Variants in ITPKB observed in about 807,000 individuals in gnomAD.
ITPKB encodes the protein inositol-trisphosphate 3-kinase B.
ITPKB carries 13 observed loss-of-function variants against 69.4 expected under a neutral mutation model. The ratio of observed to expected loss-of-function variants is 0.19; its 90% CI spans 0.12 to 0.30. The LOEUF (loss-of-function observed/expected upper bound fraction) is 0.30. ITPKB is among the 10% of genes least tolerant of loss of function. The pLI is 1.00. For synonymous variants in ITPKB, 584 were observed against 513.7 expected (o/e 1.14, Z -1.85); for missense variants, 1,240 against 1,250.5 (o/e 0.99, Z 0.13).
At chr1:226,660,790 G>A (rs1337694950) in intron 2 of ITPKB, among the ~76,000 whole-genome samples, 2 of 152,200 alleles carry the variant, frequency 1.3e-5, no homozygotes, top group Non-Finnish European at 2.9e-5. Context: ...CGAGGCGGAT[G>A]GGCAGCCTTT....
chr1:226,667,914 C>A (rs1426925290), intron 2 of ITPKB, among the ~76,000 whole-genome samples: 1 of 151,374 alleles, frequency 6.6e-6, no homozygotes, highest in Admixed American at 6.6e-5. Flanking sequence ...TAAGCAAAAG[C>A]CTAGAAGCAA....
chr1:226,671,375 C>T (rs1669614479), intron 2 of ITPKB, among the ~76,000 whole-genome samples: 1 of 152,240 alleles, frequency 6.6e-6, no homozygotes, highest in African/African-American at 2.4e-5. Context: ...CTTTGTACTC[C>T]TTGCTACAAA....
chr1:226,704,384 C>T (rs1316660519), intron 2 of ITPKB, among the ~76,000 whole-genome samples: 7 of 152,214 alleles, frequency 4.6e-5, no homozygotes, highest in Admixed American at 3.9e-4. Flanking sequence ...CACATTGCAA[C>T]AGGTTATCAT....
chr1:226,660,869 G>T (rs757221745), intron 2 of ITPKB, among the ~76,000 whole-genome samples: 3 of 152,230 alleles, frequency 2.0e-5, no homozygotes, highest in East Asian at 3.9e-4. Flanking sequence ...GGGAAAGGGC[G>T]CCTGGGCTCT....
At chr1:226,640,471 G>A (rs970086206) in intron 5 of ITPKB, among the ~76,000 whole-genome samples, 3 of 152,162 alleles carry the variant, frequency 2.0e-5, no homozygotes, top group Non-Finnish European at 2.9e-5. Context: ...AGGAGGGGCC[G>A]AGAGCCGGGG....
Position 226,736,540 on chromosome 1 carries a change from C to T in ITPKB, c.919G>A (p.Ala307Thr), listed in dbSNP as rs12097311. The change falls in exon 2 of 8, where the codon GCA (alanine) becomes ACA (threonine). Residue 307 changes from alanine to threonine, a missense_variant. Physicochemically the swap from Ala to Thr is moderately conservative, Grantham distance 58. Coordinates refer to ENST00000429204, the MANE Select transcript of ITPKB (RefSeq NM_002221.4). Reference sequence around the variant, plus strand: ...GGCCCAGTGGATGTAACTCTCGCTGCCACTTCCGTGGCCATCGTTAAGCTA... The same window carrying T: ...GGCCCAGTGGATGTAACTCTCGCTGTCACTTCCGTGGCCATCGTTAAGCTA... ...GASLTMATEV[A>T]ARVTSTGPHR... 5 of 1,614,018 alleles carry T rather than the reference C, an allele frequency of 3.1e-6. No homozygotes were observed. The highest frequency in any genetic ancestry group is 4.2e-6 in the Non-Finnish European group (5 of 1,180,038).
intron 2 of ITPKB, among the ~76,000 whole-genome samples, chr1:226,723,226 A>G (rs1657297797): frequency 3.3e-5 from 5 of 151,974 alleles, no homozygotes; most frequent in Admixed American, 3.3e-4. Flanking sequence ...CCAGATGACA[A>G]GGGCACAGTA....
chr1:226,692,454 A>T (rs558775384), intron 2 of ITPKB, among the ~76,000 whole-genome samples: 27 of 152,336 alleles, frequency 1.8e-4, no homozygotes, highest in Middle Eastern at 3.4e-3. Flanking sequence ...AATAGATAGG[A>T]AAGTGGAAAT....
chr1:226,734,283 A>T (rs927032460), intron 2 of ITPKB, among the ~76,000 whole-genome samples: 7 of 152,248 alleles, frequency 4.6e-5, no homozygotes, highest in Non-Finnish European at 8.8e-5. Flanking sequence ...AGCAAAAAGC[A>T]GAGTTTCATG....
intron 2 of ITPKB, among the ~76,000 whole-genome samples, chr1:226,686,430 T>G (rs1656217899): frequency 6.6e-6 from 1 of 152,228 alleles, no homozygotes; most frequent in African/African-American, 2.4e-5. Flanking sequence ...GCATTTCTTG[T>G]TAAGTGTCAA....
chr1:226,701,745 C>T (rs1656647669), intron 2 of ITPKB, among the ~76,000 whole-genome samples: 1 of 152,060 alleles, frequency 6.6e-6, no homozygotes, highest in Admixed American at 6.5e-5. Context: ...GACAGTCTTC[C>T]CAAATTCTGC....
At chr1:226,638,049 C>T (rs1017851254) in intron 6 of ITPKB, among the ~76,000 whole-genome samples, 1 of 152,260 alleles carries the variant, frequency 6.6e-6, no homozygotes, top group Non-Finnish European at 1.5e-5. Context: ...GGTGCCCCAT[C>T]TTCCCCAGAA....
chr1:226,636,659 C>T (rs1395872587), intron 7 of ITPKB, among the ~76,000 whole-genome samples: 1 of 152,176 alleles, frequency 6.6e-6, no homozygotes, highest in African/African-American at 2.4e-5. Context: ...AGAGGGGCTG[C>T]TTTCCTGAAC....
In ITPKB at chr1:226,735,896, C is replaced by T. The variant is rs764409672; in HGVS notation, c.1563G>A (p.Thr521=). The T allele has an allele frequency of 8.1e-6, 13 of 1,612,706 alleles. No individual in the cohort carries two copies. Among genetic ancestry groups the T allele is most frequent in the Middle Eastern group, 1.7e-4 (1 of 6,058 alleles). ...CCTCTGATTGCACCCCTGTGCCACG[C>T]GTCCAAGCCAAACCGGCTTTCTCCA... The part of the protein sequence containing the change: ...GTMEKAGLAW[T]RGTGVQSEGT... Residue 521 remains threonine (T), a synonymous_variant, in exon 2 of 8, where the codon ACG becomes ACA. Coordinates refer to ENST00000429204, the MANE Select transcript of ITPKB (RefSeq NM_002221.4).
At chr1:226,728,655 T>C (rs1657493560) in intron 2 of ITPKB, among the ~76,000 whole-genome samples, 1 of 152,170 alleles carries the variant, frequency 6.6e-6, no homozygotes, top group Non-Finnish European at 1.5e-5. Flanking sequence ...TCCCCAACCC[T>C]GCAACTGAAC....
Position 226,634,829 on chromosome 1 carries a change from T to C in ITPKB, c.2683A>G (p.Met895Val), listed in dbSNP as rs1468545461. ...GGCGTGGTTTTCCCAAAGTCGATCA[T>C]CCACACTTTGGCCTGTTCCTTCTTG... ...HDKKEQAKVW[M>V]IDFGKTTPLP... Residue 895 changes from methionine (M) to valine (V), a missense_variant, in exon 8 of 8, where the codon ATG (methionine) becomes GTG (valine). Coordinates refer to ENST00000429204, the MANE Select transcript of ITPKB (RefSeq NM_002221.4). This position sits in a 1 kb window ranked among gnomAD's most constrained non-coding sequence, Gnocchi z 6.3. The C allele has an allele frequency of 6.2e-7, 1 of 1,613,812 alleles. No individual in the cohort carries two copies. Among genetic ancestry groups the C allele is most frequent in the Admixed American group, 1.7e-5 (1 of 60,016 alleles).
At chr1:226,688,266 T>C (rs759555998) in intron 2 of ITPKB, among the ~76,000 whole-genome samples, 7 of 152,156 alleles carry the variant, frequency 4.6e-5, no homozygotes, top group African/African-American at 7.2e-5. Context: ...TGCCTATATA[T>C]GGCAGGTACC....
In ITPKB at chr1:226,728,515, T is replaced by A. The variant is rs576455057; in HGVS notation, c.1932+7012A>T. Among the ~76,000 whole-genome samples the A allele has an allele frequency of 3.3e-5, 5 of 152,208 alleles. No individual in the cohort carries two copies. The South Asian group carries it at 1.0e-3, about 32-fold the overall frequency. The stretch of plus-strand genomic sequence containing the variant: ...TGCCTTTAAGTAAGAAACATCAGAG[T>A]GGTCTTCCCCGCACAAACACTTTGC... On this transcript the variant is annotated intron_variant, in intron 2 of 7. Coordinates refer to ENST00000429204, the MANE Select transcript of ITPKB (RefSeq NM_002221.4).
intron 2 of ITPKB, among the ~76,000 whole-genome samples, chr1:226,681,318 T>C (rs569239555): frequency 2.0e-5 from 3 of 152,178 alleles, no homozygotes; most frequent in African/African-American, 4.8e-5. Flanking sequence ...AGCCAGAAAG[T>C]TTACCATTGC....
Sources: gnomAD v4.1 joint callset for allele counts (sites outside exome capture counted in the v4.1 genomes callset) on GRCh38, gnomAD v4.1.1 for gene constraint, Gnocchi (gnomAD v3.1) non-coding constraint, MANE v1.5 for transcripts, NCBI Gene and HGNC (gene_info 2026-07-23, HGNC 2026-07-21) for gene names.